Variants in SLC30A8 observed in about 807,000 individuals in gnomAD.
SLC30A8 encodes the protein proton-coupled zinc antiporter SLC30A8.
SLC30A8 carries 27 observed loss-of-function variants against 36.9 expected under a neutral mutation model. The ratio of observed to expected loss-of-function variants is 0.73; its 90% CI spans 0.54 to 1.01. The LOEUF (loss-of-function observed/expected upper bound fraction) is 1.01, where lower values mean the gene tolerates loss of function less well. SLC30A8 is among the 50% of genes least tolerant of loss of function. The pLI, the probability that SLC30A8 is intolerant of heterozygous loss-of-function variation, is 0.00. For missense variants in SLC30A8, 439 were observed against 452.0 expected (o/e 0.97, Z 0.26); for synonymous variants, 164 against 172.4 (o/e 0.95, Z 0.38).
intron 2 of SLC30A8, chr8:117,056,211 GCCC>G (rs1037685852): frequency 2.5e-4 from 38 of 152,236 alleles, no homozygotes; most frequent in African/African-American, 7.0e-4. Flanking sequence ...GTCCAGAGCG[GCCC>G]TTCAAGTTCA....
chr8:117,112,907 C>G (rs1436795422), intron 2 of SLC30A8, among the ~76,000 whole-genome samples: 1 of 152,110 alleles, frequency 6.6e-6, no homozygotes, highest in Non-Finnish European at 1.5e-5. Context: ...TTCATTAACT[C>G]AGTACTTATC....
At chr8:117,087,050 G>C (rs1818906746) in intron 2 of SLC30A8, among the ~76,000 whole-genome samples, 2 of 152,158 alleles carry the variant, frequency 1.3e-5, no homozygotes, top group Non-Finnish European at 2.9e-5. Context: ...GCATTTAGAG[G>C]TAAACTCTAT....
chr8:116,984,442 T>C (rs1033061750), intron 1 of SLC30A8, among the ~76,000 whole-genome samples: 2 of 152,166 alleles, frequency 1.3e-5, no homozygotes, highest in Non-Finnish European at 2.9e-5. Flanking sequence ...TATGAGTGAC[T>C]CAGTTTCTAC....
chr8:117,035,970 C>T (rs1817201353), intron 1 of SLC30A8, among the ~76,000 whole-genome samples: 1 of 120,842 alleles, frequency 8.3e-6, no homozygotes, highest in East Asian at 2.8e-4. Flanking sequence ...GTCATTTTTC[C>T]CTCCTACTCT....
chr8:116,995,076 T>A (rs900736928), intron 1 of SLC30A8, among the ~76,000 whole-genome samples: 1 of 152,078 alleles, frequency 6.6e-6, no homozygotes, highest in Admixed American at 6.6e-5. Context: ...TGTAATGCGG[T>A]GTAAATGTAA....
Position 117,175,409 on chromosome 8 carries a change from T to C in SLC30A8, c.*2728T>C, listed in dbSNP as rs1159576563. ...ATAAAAGAAATTTATGCCTTCCATA[T>C]GTTTGGTTACAGATGGGAAATGGGA... On this transcript the variant is annotated 3_prime_UTR_variant, in exon 8 of 8. Coordinates refer to ENST00000456015, the MANE Select transcript of SLC30A8 (RefSeq NM_173851.3). 6.6e-6 allele frequency: 1 copy of C among 152,124 alleles called. No homozygotes were observed. The highest frequency in any genetic ancestry group is 1.5e-5 in the Non-Finnish European group (1 of 68,004). 9.4% of individuals were successfully genotyped at this position (152,124 alleles called of 1,614,324 possible).
At chr8:117,039,585 T>C (rs1398185338) in intron 2 of SLC30A8, among the ~76,000 whole-genome samples, 1 of 152,210 alleles carries the variant, frequency 6.6e-6, no homozygotes, top group Admixed American at 6.5e-5. Context: ...TAATTGTCTT[T>C]CACTAGTGCC....
intron 2 of SLC30A8, among the ~76,000 whole-genome samples, chr8:117,101,973 AC>A (rs1330869898): frequency 2.6e-5 from 4 of 152,142 alleles, no homozygotes; most frequent in Non-Finnish European, 5.9e-5. Context: ...CCTCTAGAGA[AC>A]CCTGACTAAT....
At chr8:117,053,979 CTCTAA>C (rs1295298799) in intron 2 of SLC30A8, among the ~76,000 whole-genome samples, 103 of 152,202 alleles carry the variant, frequency 6.8e-4, no homozygotes, top group African/African-American at 2.4e-3. Context: ...TCTGAATTGA[CTCTAA>C]TCTATGCTCT....
chr8:117,039,073 A>G (rs1024225776), intron 1 of SLC30A8: 1 of 152,204 alleles, frequency 6.6e-6, no homozygotes, highest in African/African-American at 2.4e-5. Context: ...GATCTCAAAT[A>G]ATAAATGATG....
intron 2 of SLC30A8, among the ~76,000 whole-genome samples, chr8:117,111,542 T>G (rs1820226509): frequency 6.6e-6 from 1 of 152,166 alleles, no homozygotes; most frequent in Non-Finnish European, 1.5e-5. Flanking sequence ...GCCTGGCTGC[T>G]TAGAACACCA....
At chr8:117,089,147 G>A (rs1819004453) in intron 2 of SLC30A8, among the ~76,000 whole-genome samples, 1 of 151,972 alleles carries the variant, frequency 6.6e-6, no homozygotes, top group Admixed American at 6.6e-5. Flanking sequence ...TATTTGTGTT[G>A]GTATTCCATT....
chr8:117,153,178 G>A, intron 3 of SLC30A8, 88 bp downstream of exon 3: 1 of 1,360,564 alleles, frequency 7.3e-7, no homozygotes, highest in Non-Finnish European at 9.8e-7. Flanking sequence ...GCAAAGCCTT[G>A]TTGGAAAGTC....
At chr8:116,964,859 A>G (rs1814545524) in intron 1 of SLC30A8, among the ~76,000 whole-genome samples, 1 of 152,250 alleles carries the variant, frequency 6.6e-6, no homozygotes, top group Admixed American at 6.5e-5. Context: ...TAAATCTTTA[A>G]GTATCTACTA....
At chr8:116,978,386 TGAA>T (rs1815126681) in intron 1 of SLC30A8, among the ~76,000 whole-genome samples, 1 of 152,038 alleles carries the variant, frequency 6.6e-6, no homozygotes, top group African/African-American at 2.4e-5. Context: ...TGAATAGAAA[TGAA>T]GAAACACATA....
intron 2 of SLC30A8, among the ~76,000 whole-genome samples, chr8:117,042,625 C>A (rs1484007626): frequency 2.0e-5 from 3 of 151,238 alleles, no homozygotes; most frequent in African/African-American, 7.3e-5. Flanking sequence ...CCTGCTGAGA[C>A]TTGGAATAGG....
rs1823462189 is a variant in SLC30A8, at chr8:117,172,880, G to T, written c.*199G>T. 2 of 615,154 alleles carry T rather than the reference G, an allele frequency of 3.3e-6. No individual in the cohort carries two copies. Among genetic ancestry groups the T allele is most frequent in the South Asian group, 2.1e-5 (1 of 48,356 alleles). The allele number at this position is 615,154 out of a possible 1,614,324, so 38.1% of individuals were successfully genotyped here. ...CCATCAATCAATTGGATTATATACTGATCAGTAGCTGTGTTCAATTGCAGG... is the reference window on the plus strand; with the variant it reads ...CCATCAATCAATTGGATTATATACTTATCAGTAGCTGTGTTCAATTGCAGG... On this transcript the variant is annotated 3_prime_UTR_variant, in exon 8 of 8. Transcript: ENST00000456015.
intron 1 of SLC30A8, among the ~76,000 whole-genome samples, chr8:116,995,951 C>T (rs2130674315): frequency 6.6e-6 from 1 of 152,298 alleles, no homozygotes; most frequent in East Asian, 1.9e-4. Context: ...GCATGTAGCC[C>T]TCTCCAGCAC....
chr8:117,023,882 C>A (rs1816790602), intron 1 of SLC30A8, among the ~76,000 whole-genome samples: 1 of 152,000 alleles, frequency 6.6e-6, no homozygotes, highest in East Asian at 1.9e-4. Flanking sequence ...AACATTATCA[C>A]CCTAACTAAC....
Sources: gnomAD v4.1 joint callset for allele counts (sites outside exome capture counted in the v4.1 genomes callset) on GRCh38, gnomAD v4.1.1 for gene constraint, MANE v1.5 for transcripts, NCBI Gene and HGNC (gene_info 2026-07-23, HGNC 2026-07-21) for gene names.